ROBO2: variants seen among roughly 807,000 people sequenced by gnomAD.
The protein encoded by ROBO2 is roundabout guidance receptor 2, also known as roundabout homolog 2.
ROBO2 carries 53 observed loss-of-function variants against 160.8 expected under a neutral mutation model. The ratio of observed to expected loss-of-function variants is 0.33; its 90% CI spans 0.26 to 0.41. The LOEUF is 0.41. Ranked by LOEUF, ROBO2 falls within the 10% of genes least tolerant of loss-of-function variation. The pLI, the probability that ROBO2 is intolerant of heterozygous loss-of-function variation, is 1.00. For synonymous variants in ROBO2, 664 were observed against 611.7 expected (o/e 1.09, Z -1.26); for missense variants, 1,577 against 1,722.4 (o/e 0.92, Z 1.49).
At position 76,953,333 on chromosome 3, in the gene ROBO2, A is replaced by G. The variant is rs186528489; in HGVS notation, c.110-144681A>G. Among the ~76,000 whole-genome samples, 8 of 152,344 alleles carry G rather than the reference A, an allele frequency of 5.3e-5. No individual in the cohort carries two copies. The East Asian group carries it at 9.6e-4, about 18-fold the overall frequency. ...TTCGATTACAATAGGTGGCACATGT[A>G]TATAAAGAGCTTAGTCAAAGGCTAA... On this transcript the variant is annotated intron_variant, in intron 2 of 26. Transcript: ENST00000487694.
At chr3:76,210,217 A>C (rs1703058222) in intron 2 of ROBO2, among the ~76,000 whole-genome samples, 1 of 152,258 alleles carries the variant, frequency 6.6e-6, no homozygotes, top group Admixed American at 6.5e-5. Flanking sequence ...AAGTTTGTTA[A>C]ATAAATTTCA....
intron 2 of ROBO2, among the ~76,000 whole-genome samples, chr3:76,939,979 A>ATTTTT (rs71104641): frequency 0.027 from 3,211 of 120,410 alleles, 313 homozygotes; most frequent in African/African-American, 0.1. Context: ...AAGCAACAGG[A>ATTTTT]TTTTTTTTTT....
At chr3:76,785,272 G>A (rs2062899574) in intron 2 of ROBO2, among the ~76,000 whole-genome samples, 1 of 151,092 alleles carries the variant, frequency 6.6e-6, no homozygotes, top group South Asian at 2.1e-4. Flanking sequence ...GGCATGGTAT[G>A]GTATAACAAG....
chr3:77,132,813 C>T (rs541714190), intron 2 of ROBO2, among the ~76,000 whole-genome samples: 18 of 151,846 alleles, frequency 1.2e-4, no homozygotes, highest in African/African-American at 3.1e-4. Flanking sequence ...TCATGTAAAC[C>T]GTGTGTGGTA....
intron 2 of ROBO2, among the ~76,000 whole-genome samples, chr3:76,959,080 C>CA (rs1038394943): frequency 6.6e-6 from 1 of 152,146 alleles, no homozygotes; most frequent in African/African-American, 2.4e-5. Flanking sequence ...ATCTGGAATT[C>CA]ACAACCAGCC....
intron 2 of ROBO2, among the ~76,000 whole-genome samples, chr3:77,454,214 T>C (rs1320885717): frequency 2.6e-5 from 4 of 152,106 alleles, no homozygotes; most frequent in Non-Finnish European, 5.9e-5. Flanking sequence ...ACTGATATTT[T>C]AATGGTTACT....
intron 2 of ROBO2, among the ~76,000 whole-genome samples, chr3:77,206,200 G>A (rs921611939): frequency 6.6e-6 from 1 of 150,950 alleles, no homozygotes; most frequent in African/African-American, 2.4e-5. Context: ...ACAGAATTTT[G>A]CTCTTGTTGC....
intron 2 of ROBO2, among the ~76,000 whole-genome samples, chr3:77,367,827 T>G (rs1172312250): frequency 6.6e-6 from 1 of 152,194 alleles, no homozygotes; most frequent in Non-Finnish European, 1.5e-5. Context: ...CACTTCCAGT[T>G]CATCAGTTGT....
At chr3:76,676,311 A>G (rs1371892004) in intron 2 of ROBO2, among the ~76,000 whole-genome samples, 1 of 152,014 alleles carries the variant, frequency 6.6e-6, no homozygotes, top group East Asian at 1.9e-4. Flanking sequence ...TTCACTTTGC[A>G]CTTCTCCTTC....
At chr3:76,250,627 A>C (rs984159649) in intron 2 of ROBO2, among the ~76,000 whole-genome samples, 8 of 151,998 alleles carry the variant, frequency 5.3e-5, no homozygotes, top group Non-Finnish European at 8.8e-5. Flanking sequence ...GCTTCAGTTT[A>C]CTCAAGGGTG....
At chr3:77,410,699 T>TCCTCCTCCTCCTCC (rs1560758742) in intron 2 of ROBO2, among the ~76,000 whole-genome samples, 13 of 40,990 alleles carry the variant, frequency 3.2e-4, no homozygotes, top group African/African-American at 1.1e-3. Context: ...CCTCCTCCTC[T>TCCTCCTCCTCCTCC]TCCTCCTCCT....
intron 2 of ROBO2, among the ~76,000 whole-genome samples, chr3:77,453,267 C>A (rs901647553): frequency 2.0e-5 from 3 of 152,120 alleles, no homozygotes; most frequent in Admixed American, 6.6e-5. Flanking sequence ...TATTGAGCAA[C>A]TTTCTCATCA....
At chr3:76,243,661 G>A (rs1371606581) in intron 2 of ROBO2, among the ~76,000 whole-genome samples, 2 of 152,160 alleles carry the variant, frequency 1.3e-5, no homozygotes, top group Non-Finnish European at 2.9e-5. Flanking sequence ...CAGGCGTGAT[G>A]CCTGCAGATA....
chr3:76,151,940 C>T (rs1161269039), intron 2 of ROBO2, among the ~76,000 whole-genome samples: 2 of 152,130 alleles, frequency 1.3e-5, no homozygotes, highest in Non-Finnish European at 2.9e-5. Context: ...ATCCAATAAA[C>T]ATTATCAAAC....
intron 2 of ROBO2, among the ~76,000 whole-genome samples, chr3:76,194,570 A>T (rs1355809840): frequency 1.3e-5 from 2 of 151,814 alleles, no homozygotes; most frequent in African/African-American, 4.8e-5. Context: ...AAGACAAAAC[A>T]GCAAGTTAAT....
intron 2 of ROBO2, among the ~76,000 whole-genome samples, chr3:76,211,703 C>G (rs1231484460): frequency 6.6e-6 from 1 of 151,972 alleles, no homozygotes; most frequent in Non-Finnish European, 1.5e-5. Context: ...AATGTATTTC[C>G]TGAAGTGTAT....
intron 2 of ROBO2, among the ~76,000 whole-genome samples, chr3:76,800,367 A>G (rs937894907): frequency 6.6e-6 from 1 of 152,220 alleles, no homozygotes. Context: ...AAAATGGCTG[A>G]ATGGGATCAC....
At chr3:76,767,439 A>T (rs1306368262) in intron 2 of ROBO2, among the ~76,000 whole-genome samples, 1 of 151,664 alleles carries the variant, frequency 6.6e-6, no homozygotes, top group Non-Finnish European at 1.5e-5. Context: ...TAAAGTAGGC[A>T]TCATGTACAT....
intron 4 of ROBO2, among the ~76,000 whole-genome samples, chr3:77,484,754 A>G (rs896689437): frequency 6.6e-6 from 1 of 151,838 alleles, no homozygotes; most frequent in African/African-American, 2.4e-5. Context: ...TTTTTAGTCT[A>G]TGAACTTTCA....
Sources: gnomAD v4.1 joint callset for allele counts (sites outside exome capture counted in the v4.1 genomes callset) on GRCh38, gnomAD v4.1.1 for gene constraint, MANE v1.5 for transcripts, NCBI Gene and HGNC (gene_info 2026-07-23, HGNC 2026-07-21) for gene names.